Variants in FAM227A observed in about 807,000 individuals in gnomAD.
FAM227A encodes the protein family with sequence similarity 227 member A.
In FAM227A, 80 loss-of-function variants were observed where a neutral mutation model predicts 74.7. The ratio of observed to expected loss-of-function variants is 1.07; its 90% CI spans 0.89 to 1.29. The LOEUF (loss-of-function observed/expected upper bound fraction) is 1.29, where lower values mean the gene tolerates loss of function less well. Ranked by LOEUF, FAM227A falls within the 50% of genes most tolerant of loss-of-function variation. The pLI is 0.00. For synonymous variants in FAM227A, 237 were observed against 241.8 expected (o/e 0.98, Z 0.19); for missense variants, 654 against 683.4 (o/e 0.96, Z 0.48).
chr22:38,594,145 C>A (rs1569189117), intron 15 of FAM227A, among the ~76,000 whole-genome samples: 1 of 152,222 alleles, frequency 6.6e-6, no homozygotes, highest in Non-Finnish European at 1.5e-5. Flanking sequence ...CCGACTTTAG[C>A]CTTGTTGAGA....
intron 11 of FAM227A, among the ~76,000 whole-genome samples, chr22:38,618,971 GA>G (rs1234791699): frequency 0.025 from 2,073 of 81,456 alleles, 13 homozygotes; most frequent in Non-Finnish European, 0.028. Context: ...CAGCTCTTCA[GA>G]AAAAAAAAAA....
chr22:38,605,295 T>A lies in FAM227A; in HGVS notation c.1180A>T (p.Ile394Leu), dbSNP rs560936960. The A allele has an allele frequency of 2.6e-6, 4 of 1,551,208 alleles. No homozygotes were observed. The highest frequency in any genetic ancestry group is 3.9e-5 in the Admixed American group (2 of 50,984). Residue 394 changes from isoleucine to leucine, a missense_variant, in exon 13 of 17, where the codon ATA becomes TTA. Coordinates refer to ENST00000535113, the MANE Select transcript of FAM227A (RefSeq NM_001013647.2). ...LKKPTQEVKRISEARECENMF... is the reference protein window; with the variant it reads ...LKKPTQEVKRLSEARECENMF... Reference sequence around the variant, plus strand: ...TTCTCACATTCTCTTGCTTCTGATATCCTCTTGACTTCTTGCGTAGGTTTC... The same window carrying A: ...TTCTCACATTCTCTTGCTTCTGATAACCTCTTGACTTCTTGCGTAGGTTTC...
intron 13 of FAM227A, among the ~76,000 whole-genome samples, chr22:38,602,886 G>T (rs895902980): frequency 6.6e-6 from 1 of 151,938 alleles, no homozygotes; most frequent in African/African-American, 2.4e-5. Flanking sequence ...TGTTGTTGTT[G>T]TTTTTGAGAT....
chr22:38,648,209 A>G (rs2092271266), intron 2 of FAM227A, among the ~76,000 whole-genome samples: 1 of 151,754 alleles, frequency 6.6e-6, no homozygotes. Context: ...GGGCCAGGGC[A>G]GTAAGATGCT....
chr22:38,647,276 C>T (rs1274019279), intron 2 of FAM227A, among the ~76,000 whole-genome samples: 2 of 152,016 alleles, frequency 1.3e-5, no homozygotes, highest in South Asian at 2.1e-4. Context: ...ACTAGCCTGG[C>T]CAACATGGTG....
chr22:38,635,552 G>A (rs1295879956), intron 6 of FAM227A, among the ~76,000 whole-genome samples: 1 of 152,172 alleles, frequency 6.6e-6, no homozygotes, highest in African/African-American at 2.4e-5. Context: ...TGTGTCGCCT[G>A]AGCAAACAGG....
intron 11 of FAM227A, among the ~76,000 whole-genome samples, chr22:38,610,614 T>C (rs539649778): frequency 6.6e-6 from 1 of 152,282 alleles, no homozygotes; most frequent in African/African-American, 2.4e-5. Flanking sequence ...AGAGGATATA[T>C]GCAAAGAAAA....
At chr22:38,643,785 C>G (rs952263508) in intron 3 of FAM227A, among the ~76,000 whole-genome samples, 1 of 152,012 alleles carries the variant, frequency 6.6e-6, no homozygotes, top group Non-Finnish European at 1.5e-5. Context: ...AACCATGGTA[C>G]GTTCAGACAA....
intron 1 of FAM227A, among the ~76,000 whole-genome samples, chr22:38,652,936 C>T (rs976672315): frequency 3.3e-5 from 5 of 151,946 alleles, no homozygotes; most frequent in African/African-American, 9.7e-5. Flanking sequence ...TAGTATAACC[C>T]TCAGTCATAC....
chr22:38,628,785 T>G, intron 7 of FAM227A, 49 bp downstream of exon 7: 1 of 1,114,958 alleles, frequency 9.0e-7, no homozygotes, highest in Non-Finnish European at 1.3e-6. Context: ...ATTTGTTCTG[T>G]AGAAAAATAA....
chr22:38,648,469 T>A (rs1430563153), intron 2 of FAM227A, among the ~76,000 whole-genome samples: 1 of 150,208 alleles, frequency 6.7e-6, no homozygotes, highest in Non-Finnish European at 1.5e-5. Context: ...TAGCCAGACG[T>A]GGTGGCACAT....
chr22:38,644,145 CA>C (rs950184744), intron 3 of FAM227A, among the ~76,000 whole-genome samples: 494 of 43,610 alleles, frequency 0.011, 1 homozygote, highest in African/African-American at 0.036. Flanking sequence ...GACTCCATCT[CA>C]AAAAAAAAAA....
intron 10 of FAM227A, among the ~76,000 whole-genome samples, chr22:38,621,401 T>G (rs2091688571): frequency 7.1e-6 from 1 of 141,306 alleles, no homozygotes. Context: ...AAAAAAAAAC[T>G]CCCTGAGTGT....
At chr22:38,626,143 G>C (rs1011916262) in intron 9 of FAM227A, 37 bp downstream of exon 9, 57 of 1,546,112 alleles carry the variant, frequency 3.7e-5, no homozygotes, top group Non-Finnish European at 4.6e-5. Flanking sequence ...CATTTTTCTA[G>C]AATCGCTTTC....
intron 11 of FAM227A, among the ~76,000 whole-genome samples, chr22:38,608,874 C>T (rs2091349469): frequency 6.9e-6 from 1 of 145,220 alleles, no homozygotes. Context: ...TGGCTCACTG[C>T]AACCTCCACC....
At chr22:38,598,352 G>A (rs1386231005) in intron 14 of FAM227A, among the ~76,000 whole-genome samples, 1 of 152,180 alleles carries the variant, frequency 6.6e-6, no homozygotes, top group Non-Finnish European at 1.5e-5. Context: ...TATTGAGCTT[G>A]GAGGTCGAGC....
At chr22:38,632,018 A>C (rs192955204) in intron 6 of FAM227A, among the ~76,000 whole-genome samples, 1 of 152,256 alleles carries the variant, frequency 6.6e-6, no homozygotes, top group Admixed American at 6.5e-5. Context: ...GCAGAGGTAG[A>C]GATGAGGGTA....
intron 1 of FAM227A, among the ~76,000 whole-genome samples, chr22:38,654,650 G>C (rs1436671957): frequency 6.6e-6 from 1 of 151,238 alleles, no homozygotes; most frequent in Non-Finnish European, 1.5e-5. Context: ...TAAACAAAAG[G>C]CTGGGCGCGG....
intron 8 of FAM227A, among the ~76,000 whole-genome samples, chr22:38,626,891 A>AAAAAAAATATATATAT (rs1555966996): frequency 2.8e-4 from 16 of 57,680 alleles, no homozygotes; most frequent in Non-Finnish European, 3.8e-4. Flanking sequence ...AAAAAAAAAA[A>AAAAAAAATATATATAT]ATATATATAT....
Sources: gnomAD v4.1 joint callset for allele counts (sites outside exome capture counted in the v4.1 genomes callset) on GRCh38, gnomAD v4.1.1 for gene constraint, MANE v1.5 for transcripts, NCBI Gene and HGNC (gene_info 2026-07-23, HGNC 2026-07-21) for gene names.